Variants in RXRA observed in about 807,000 individuals in gnomAD.
The protein encoded by RXRA is retinoic acid receptor RXR-alpha.
In RXRA, 5 loss-of-function variants were observed where a neutral mutation model predicts 44.5. The ratio of observed to expected loss-of-function variants is 0.11; its 90% CI spans 0.06 to 0.24. The LOEUF (loss-of-function observed/expected upper bound fraction) is 0.24, where lower values mean the gene tolerates loss of function less well. Ranked by LOEUF, RXRA falls within the 10% of genes least tolerant of loss-of-function variation. The probability of loss-of-function intolerance (pLI) is 1.00; values close to 1 mark genes in which losing one functional copy is unlikely to be tolerated. For missense variants in RXRA, 412 were observed against 646.5 expected, an observed-to-expected ratio of 0.64 and a Z score of 3.93; for synonymous variants, 291 against 271.4, an observed-to-expected ratio of 1.07 and a Z score of -0.71.
rs1831067773 is a variant in RXRA, at chr9:134,407,318, G to A, written c.280-831G>A. The stretch of plus-strand genomic sequence containing the variant: ...CAAGCGGCGGCAGGGGTTTGCAGAA[G>A]TGGAGGCTGGGGGCTGCCTGGCCAA... On this transcript the variant is annotated intron_variant, in intron 2 of 9. Coordinates refer to ENST00000481739, the MANE Select transcript of RXRA (RefSeq NM_002957.6). This position sits in a 1 kb window ranked among gnomAD's most constrained non-coding sequence, Gnocchi z 4.8. Among the ~76,000 whole-genome samples, 1 of 152,256 alleles carries A rather than the reference G, an allele frequency of 6.6e-6. No homozygotes were observed. Among genetic ancestry groups the A allele is most frequent in the Non-Finnish European group, 1.5e-5 (1 of 68,040 alleles).
chr9:134,421,928 C>T (rs771628575), intron 6 of RXRA, 123 bp downstream of exon 6: 67 of 1,527,874 alleles, frequency 4.4e-5, no homozygotes, highest in Non-Finnish European at 5.7e-5. Context: ...ACACTCCCCC[C>T]TCCCAGGACC....
At position 134,436,966 on chromosome 9, in the gene RXRA, G is replaced by A; in HGVS notation, c.*352G>A. ...CCCCAGCCCTGGAGCTGCAGGAGTT[G>A]GGAACGGGGCTTTTGTTTCCGTTGC... On this transcript the variant is annotated 3_prime_UTR_variant, in exon 10 of 10. Coordinates refer to ENST00000481739, the MANE Select transcript of RXRA (RefSeq NM_002957.6). 2 of 259,468 alleles carry A rather than the reference G, an allele frequency of 7.7e-6. No individual in the cohort carries two copies. Among genetic ancestry groups the A allele is most frequent in the South Asian group, 1.3e-4 (2 of 15,358 alleles). The allele number at this position is 259,468 out of a possible 1,614,324, so 16.1% of individuals were successfully genotyped here.
intron 6 of RXRA, chr9:134,423,252 G>A (rs939022792): frequency 3.0e-5 from 30 of 985,316 alleles, no homozygotes; most frequent in Non-Finnish European, 3.6e-5. Flanking sequence ...TGCCCTCACT[G>A]CCCGACGATG....
At chr9:134,368,126 C>T (rs1424534845) in intron 1 of RXRA, among the ~76,000 whole-genome samples, 4 of 152,360 alleles carry the variant, frequency 2.6e-5, no homozygotes, top group Non-Finnish European at 4.4e-5. Flanking sequence ...CCCCGGGACT[C>T]CCTGCCATGC....
At chr9:134,348,827 C>G (rs200509755) in intron 1 of RXRA, among the ~76,000 whole-genome samples, 1 of 152,090 alleles carries the variant, frequency 6.6e-6, no homozygotes, top group Non-Finnish European at 1.5e-5. Context: ...TGGGTGAAAC[C>G]GGGCCTGGGG....
At chr9:134,397,049 A>G (rs1830890789) in intron 1 of RXRA, among the ~76,000 whole-genome samples, 1 of 152,214 alleles carries the variant, frequency 6.6e-6, no homozygotes, top group South Asian at 2.1e-4. Flanking sequence ...AGAGGCCGGA[A>G]GGGAGTTGGT....
chr9:134,434,559 T>C (rs1831584508), intron 9 of RXRA, among the ~76,000 whole-genome samples: 1 of 152,186 alleles, frequency 6.6e-6, no homozygotes, highest in African/African-American at 2.4e-5. Flanking sequence ...TAGTAGGTAC[T>C]TCACAAGCAT....
intron 1 of RXRA, among the ~76,000 whole-genome samples, chr9:134,367,841 C>T (rs751013012): frequency 3.9e-5 from 6 of 152,280 alleles, no homozygotes; most frequent in South Asian, 2.1e-4. Context: ...CTCTGGCAGC[C>T]GAAACTGGTT....
rs1455091114 is a variant in RXRA, at chr9:134,342,838, G to A, written c.28+16179G>A. ...GGCTGGCTCAGCAGGTTGAGCGCAG[G>A]TGGTGGCTGTGGCCCTGCCACCACC... On this transcript the variant is annotated intron_variant, in intron 1 of 9. Transcript: ENST00000481739. The surrounding 1 kb of genome is among the most constrained non-coding windows in gnomAD (Gnocchi z 4.4). Among the ~76,000 whole-genome samples the A allele has an allele frequency of 6.6e-6, 1 of 152,202 alleles. No individual in the cohort carries two copies. Among genetic ancestry groups the A allele is most frequent in the Non-Finnish European group, 1.5e-5 (1 of 68,038 alleles).
chr9:134,345,415 C>T (rs1830137981), intron 1 of RXRA, among the ~76,000 whole-genome samples: 1 of 152,186 alleles, frequency 6.6e-6, no homozygotes, highest in African/African-American at 2.4e-5. Context: ...ACTTCAGGCC[C>T]TACCCTGGCA....
chr9:134,339,323 G>C (rs1554747759), intron 1 of RXRA, among the ~76,000 whole-genome samples: 1 of 152,210 alleles, frequency 6.6e-6, no homozygotes, highest in Admixed American at 6.5e-5. Context: ...GTGTGAGCCC[G>C]TGAGCCTGTG....
chr9:134,429,284 C>A, intron 7 of RXRA, 44 bp downstream of exon 7: 1 of 1,594,240 alleles, frequency 6.3e-7, no homozygotes, highest in Non-Finnish European at 8.5e-7. Flanking sequence ...CGGTCACCTC[C>A]GCCACCAGGC....
chr9:134,351,597 G>A (rs1252282529), intron 1 of RXRA, among the ~76,000 whole-genome samples: 2 of 152,256 alleles, frequency 1.3e-5, no homozygotes, highest in Non-Finnish European at 2.9e-5. Flanking sequence ...CTGCTCCCCC[G>A]GGAGGGTGGA....
Position 134,439,932 on chromosome 9 carries a change from G to A in RXRA, c.*3318G>A, listed in dbSNP as rs1212789221. 1 of 152,424 alleles carries A rather than the reference G, an allele frequency of 6.6e-6. No homozygotes were observed. Among genetic ancestry groups the A allele is most frequent in the Non-Finnish European group, 1.5e-5 (1 of 68,042 alleles). 9.4% of individuals were successfully genotyped at this position (152,424 alleles called of 1,614,324 possible). On this transcript the variant is annotated 3_prime_UTR_variant, in exon 10 of 10. Transcript: ENST00000481739. ...GGTTCGAATGAATATCTCAAGGCAGGAGATGCATCTATTTTAAGATGCTTT... is the reference window on the plus strand; with the variant it reads ...GGTTCGAATGAATATCTCAAGGCAGAAGATGCATCTATTTTAAGATGCTTT...
intron 1 of RXRA, among the ~76,000 whole-genome samples, chr9:134,357,004 C>T (rs1176983135): frequency 1.3e-5 from 2 of 152,204 alleles, no homozygotes; most frequent in Non-Finnish European, 2.9e-5. Context: ...CTCAGAGGCC[C>T]CCAGGCAGAG....
intron 1 of RXRA, among the ~76,000 whole-genome samples, chr9:134,373,180 G>A (rs941759653): frequency 9.2e-5 from 14 of 152,202 alleles, no homozygotes; most frequent in Non-Finnish European, 1.6e-4. Flanking sequence ...CATGCTTTCT[G>A]GTAAGGCGGA....
rs1340872904 is a variant in RXRA at position 134,366,726 on chromosome 9, T to C, written c.29-34906T>C. ...AGCTGAACCCCGGGGACAGTGTTGGTCAGAAAAGCCATAGACTCTCCACGG... is the reference window on the plus strand; with the variant it reads ...AGCTGAACCCCGGGGACAGTGTTGGCCAGAAAAGCCATAGACTCTCCACGG... On this transcript the variant is annotated intron_variant, in intron 1 of 9. Coordinates refer to ENST00000481739, the MANE Select transcript of RXRA (RefSeq NM_002957.6). This position sits in a 1 kb window ranked among gnomAD's most constrained non-coding sequence, Gnocchi z 5.9. Among the ~76,000 whole-genome samples the C allele has an allele frequency of 6.6e-6, 1 of 152,072 alleles. No homozygotes were observed. Among genetic ancestry groups the C allele is most frequent in the Non-Finnish European group, 1.5e-5 (1 of 68,008 alleles).
rs1359646739 is a variant in RXRA at position 134,366,948 on chromosome 9, G to A, written c.29-34684G>A. On this transcript the variant is annotated intron_variant, in intron 1 of 9. Transcript: ENST00000481739. This position sits in a 1 kb window ranked among gnomAD's most constrained non-coding sequence, Gnocchi z 5.9. ...CTGGGAGAAGGGGCTGGTGGTTCCC[G>A]GGCCTGCACATCCCCACCCCTGCCC... Among the ~76,000 whole-genome samples, 7 of 152,184 alleles carry A rather than the reference G, an allele frequency of 4.6e-5. No homozygotes were observed. The highest frequency in any genetic ancestry group is 1.4e-4 in the African/African-American group (6 of 41,516).
At chr9:134,420,562 C>T (rs979731619) in intron 5 of RXRA, among the ~76,000 whole-genome samples, 1 of 152,248 alleles carries the variant, frequency 6.6e-6, no homozygotes, top group Non-Finnish European at 1.5e-5. Context: ...CCCTCAGAGG[C>T]CTTTCCCGCC....
Sources: allele counts gnomAD v4.1 joint callset (sites outside exome capture counted in the v4.1 genomes callset), GRCh38; gene constraint gnomAD v4.1.1; non-coding constraint Gnocchi (gnomAD v3.1); transcripts MANE v1.5; gene names NCBI Gene and HGNC (gene_info 2026-07-23, HGNC 2026-07-21).